ALK: variants seen among roughly 807,000 people sequenced by gnomAD.
ALK encodes ALK receptor tyrosine kinase.
In ALK, 74 loss-of-function variants were observed where a neutral mutation model predicts 163.1. The observed-to-expected ratio is 0.45, with a 90% CI of 0.38 to 0.55. ALK has a LOEUF of 0.55. ALK is among the 20% of genes least tolerant of loss of function. The probability of loss-of-function intolerance (pLI) is 0.00; values close to 1 mark genes in which losing one functional copy is unlikely to be tolerated. For missense variants in ALK, 2,063 were observed against 2,105.3 expected, an observed-to-expected ratio of 0.98 and a Z score of 0.39; for synonymous variants, 960 against 843.2, an observed-to-expected ratio of 1.14 and a Z score of -2.40.
At chr2:29,645,381 G>A (rs866035296) in intron 3 of ALK, among the ~76,000 whole-genome samples, 1 of 152,114 alleles carries the variant, frequency 6.6e-6, no homozygotes, top group South Asian at 2.1e-4. Flanking sequence ...AAACAAACTT[G>A]GCTTCTTTCA....
At chr2:29,413,263 T>A (rs1393673861) in intron 4 of ALK, among the ~76,000 whole-genome samples, 1 of 152,182 alleles carries the variant, frequency 6.6e-6, no homozygotes, top group Non-Finnish European at 1.5e-5. Context: ...ATGGCGTATG[T>A]TTTACAGTAA....
At chr2:29,269,806 C>A (rs34699906) in intron 11 of ALK, among the ~76,000 whole-genome samples, 1 of 152,214 alleles carries the variant, frequency 6.6e-6, no homozygotes, top group African/African-American at 2.4e-5. Context: ...AACAGTCCCC[C>A]CCCAGCTGAA....
chr2:29,550,915 G>A (rs1015521057), intron 3 of ALK, among the ~76,000 whole-genome samples: 2 of 151,942 alleles, frequency 1.3e-5, no homozygotes, highest in African/African-American at 2.4e-5. Flanking sequence ...CATCCTCTAT[G>A]TTTTTATGTA....
At chr2:29,400,188 A>G (rs1186210698) in intron 4 of ALK, among the ~76,000 whole-genome samples, 2 of 152,174 alleles carry the variant, frequency 1.3e-5, no homozygotes, top group Non-Finnish European at 2.9e-5. Flanking sequence ...ATTTTCATGT[A>G]TTATAAAAAT....
chr2:29,271,454 T>C (rs972131465), intron 11 of ALK, among the ~76,000 whole-genome samples: 1 of 152,230 alleles, frequency 6.6e-6, no homozygotes, highest in Non-Finnish European at 1.5e-5. Context: ...CATGGGTTAA[T>C]TGGAGATATG....
intron 3 of ALK, 87 bp from the exon 4 acceptor site, chr2:29,532,203 A>C (rs987345659): frequency 1.0e-5 from 13 of 1,287,718 alleles, no homozygotes; most frequent in Non-Finnish European, 1.4e-5. Flanking sequence ...GACAAATGGC[A>C]TCAAAATCAG....
chr2:29,300,554 CAA>C (rs10715550), intron 8 of ALK, among the ~76,000 whole-genome samples: 2,944 of 95,550 alleles, frequency 0.031, 43 homozygotes, highest in East Asian at 0.12. Context: ...GACTCTGTCT[CAA>C]AAAAAAAAAA....
chr2:29,577,136 C>G (rs1558392127), intron 3 of ALK, among the ~76,000 whole-genome samples: 2 of 152,230 alleles, frequency 1.3e-5, no homozygotes, highest in South Asian at 4.2e-4. Flanking sequence ...TCAGCCCATG[C>G]ATGGCACCCG....
chr2:29,214,073 G>T lies in ALK; in HGVS notation c.3654C>A (p.Pro1218=). 6.2e-7 allele frequency: 1 copy of T among 1,613,966 alleles called. No homozygotes were observed. The highest frequency in any genetic ancestry group is 8.5e-7 in the Non-Finnish European group (1 of 1,179,886). Residue 1218 remains proline, a synonymous_variant, in exon 24 of 29, where the codon CCC becomes CCA. Coordinates refer to ENST00000389048, the MANE Select transcript of ALK (RefSeq NM_004304.5). ...GAAGGTCCAGCATGGCCAGGGAGGAGGGCTGGCTCTGTGGGGAGACAGAAG... is the reference window on the plus strand; with the variant it reads ...GAAGGTCCAGCATGGCCAGGGAGGATGGCTGGCTCTGTGGGGAGACAGAAG... The part of the protein sequence containing the change: ...LRETRPRPSQ[P]SSLAMLDLLH...
At chr2:29,475,097 G>A (rs1671476664) in intron 4 of ALK, among the ~76,000 whole-genome samples, 1 of 152,092 alleles carries the variant, frequency 6.6e-6, no homozygotes, top group Non-Finnish European at 1.5e-5. Context: ...GAGTCTCTGA[G>A]CCCTTCCGCT....
At chr2:29,634,192 G>A (rs536410432) in intron 3 of ALK, among the ~76,000 whole-genome samples, 17 of 151,560 alleles carry the variant, frequency 1.1e-4, no homozygotes, top group South Asian at 8.3e-4. Context: ...TCTGCCTCCC[G>A]GTTCAAGTGA....
At chr2:29,821,800 G>A (rs1172137935) in intron 1 of ALK, among the ~76,000 whole-genome samples, 3 of 152,238 alleles carry the variant, frequency 2.0e-5, no homozygotes, top group African/African-American at 7.2e-5. Context: ...TCAATCTCCT[G>A]CCTGCCAGCC....
intron 1 of ALK, among the ~76,000 whole-genome samples, chr2:29,887,898 A>C (rs928775294): frequency 6.6e-6 from 1 of 152,226 alleles, no homozygotes; most frequent in Non-Finnish European, 1.5e-5. Flanking sequence ...CTTCAAAAGA[A>C]AGAAACATCC....
intron 5 of ALK, among the ~76,000 whole-genome samples, chr2:29,337,573 T>C (rs1667655537): frequency 6.6e-6 from 1 of 152,110 alleles, no homozygotes; most frequent in African/African-American, 2.4e-5. Flanking sequence ...AATCAGAGGA[T>C]CTGGGTGGGG....
chr2:29,392,652 C>T lies in ALK; in HGVS notation c.1155-8793G>A, dbSNP rs138633365. Among the ~76,000 whole-genome samples the T allele has an allele frequency of 2.3e-3, 343 of 152,262 alleles. 1 individual carries two copies. The highest frequency in any genetic ancestry group is 3.4e-3 in the Middle Eastern group (1 of 294). On this transcript the variant is annotated intron_variant, in intron 4 of 28. Transcript: ENST00000389048. ...GTGTACCAGGCCAGAAGGTAGGAGA[C>T]GAAGAGTCTACCTCTACAGACTTAG... is the stretch of plus-strand genomic sequence containing the variant.
chr2:29,206,555 A>G (rs1182195715), intron 26 of ALK, among the ~76,000 whole-genome samples: 1 of 152,104 alleles, frequency 6.6e-6, no homozygotes, highest in Non-Finnish European at 1.5e-5. Context: ...TACAGGCATG[A>G]GCAACCGTGC....
At chr2:29,685,465 C>A (rs113960062) in intron 3 of ALK, among the ~76,000 whole-genome samples, 20 of 152,312 alleles carry the variant, frequency 1.3e-4, no homozygotes, top group African/African-American at 4.8e-4. Context: ...TTTCCCATTT[C>A]TTGTCCATAG....
At chr2:29,761,375 G>A (rs1680696446) in intron 1 of ALK, among the ~76,000 whole-genome samples, 1 of 152,192 alleles carries the variant, frequency 6.6e-6, no homozygotes, top group Non-Finnish European at 1.5e-5. Flanking sequence ...TGGCCTTCCT[G>A]TGTTAAATGG....
intron 15 of ALK, among the ~76,000 whole-genome samples, chr2:29,231,727 T>C (rs1664213645): frequency 6.6e-6 from 1 of 152,176 alleles, no homozygotes. Context: ...AGGAATTGCA[T>C]TTTCTGTCTT....
Sources: gnomAD v4.1 joint callset for allele counts (sites outside exome capture counted in the v4.1 genomes callset) on GRCh38, gnomAD v4.1.1 for gene constraint, MANE v1.5 for transcripts, NCBI Gene and HGNC (gene_info 2026-07-23, HGNC 2026-07-21) for gene names.